The following PTPRJ variants were observed in gnomAD, a reference collection of about 807,000 sequenced individuals.
The protein encoded by PTPRJ is protein tyrosine phosphatase receptor type J.
Under a neutral mutation model 141.3 loss-of-function variants are expected in PTPRJ, and 129 were observed. The observed-to-expected ratio is 0.91, with a 90% CI of 0.79 to 1.06. The LOEUF (loss-of-function observed/expected upper bound fraction) is 1.06, where lower values mean the gene tolerates loss of function less well. Ranked by LOEUF, PTPRJ falls within the 50% of genes least tolerant of loss-of-function variation. PTPRJ has a pLI of 0.00. For missense variants in PTPRJ, 1,601 were observed against 1,679.7 expected (o/e 0.95, Z 0.82); for synonymous variants, 610 against 640.5 (o/e 0.95, Z 0.72).
At chr11:48,101,028 G>A (rs1241352096) in intron 1 of PTPRJ, among the ~76,000 whole-genome samples, 1 of 152,106 alleles carries the variant, frequency 6.6e-6, no homozygotes, top group Non-Finnish European at 1.5e-5. Context: ...GCTTTCTCAG[G>A]TTCCTGTAGC....
rs1305076493 is a variant in PTPRJ, at chr11:48,001,930, TCTGA to T, written c.96+20926_96+20929del. On this transcript the variant is annotated intron_variant, in intron 1 of 24. Coordinates refer to ENST00000418331, the MANE Select transcript of PTPRJ (RefSeq NM_002843.4). ...TACTCTCCTGGTGACATTTAAGTTT[TCTGA>T]CTGTTTTGTTGTTCAAGTTGGTGAC... Among the ~76,000 whole-genome samples, 5 of 152,122 alleles carry T rather than the reference TCTGA, an allele frequency of 3.3e-5. No individual in the cohort carries two copies. In the South Asian group the frequency reaches 8.3e-4, roughly 25 times the overall value.
At chr11:47,989,267 G>T (rs1346928056) in intron 1 of PTPRJ, among the ~76,000 whole-genome samples, 4 of 146,592 alleles carry the variant, frequency 2.7e-5, no homozygotes, top group African/African-American at 7.5e-5. Context: ...TTCTTTTTTT[G>T]TTTTCTTTTT....
At chr11:48,062,395 A>C (rs931271689) in intron 1 of PTPRJ, among the ~76,000 whole-genome samples, 1 of 151,698 alleles carries the variant, frequency 6.6e-6, no homozygotes, top group Non-Finnish European at 1.5e-5. Flanking sequence ...CGCCTGTAGT[A>C]CCAGCTACTT....
intron 1 of PTPRJ, among the ~76,000 whole-genome samples, chr11:48,078,909 T>C (rs1048489169): frequency 6.8e-6 from 1 of 148,012 alleles, no homozygotes; most frequent in Non-Finnish European, 1.5e-5. Context: ...GCAGAGACCA[T>C]ATGGCCTGCA....
chr11:48,152,917 A>C (rs1420269091), intron 18 of PTPRJ, among the ~76,000 whole-genome samples: 9 of 152,118 alleles, frequency 5.9e-5, no homozygotes, highest in Admixed American at 5.9e-4. Context: ...CAGGCTTGTA[A>C]AGAGCCTATT....
intron 1 of PTPRJ, among the ~76,000 whole-genome samples, chr11:48,093,121 G>T (rs568794033): frequency 1.8e-3 from 279 of 152,166 alleles, no homozygotes; most frequent in Non-Finnish European, 3.4e-3. Context: ...AGCTGGATTC[G>T]TTTTCACTAA....
chr11:48,151,107 AG>A (rs1483127599), intron 18 of PTPRJ, among the ~76,000 whole-genome samples: 1 of 152,122 alleles, frequency 6.6e-6, no homozygotes, highest in African/African-American at 2.4e-5. Context: ...CCTTTGTATT[AG>A]TTCTCTAGGC....
At chr11:48,046,895 T>C (rs189540566) in intron 1 of PTPRJ, among the ~76,000 whole-genome samples, 196 of 89,560 alleles carry the variant, frequency 2.2e-3, no homozygotes, top group Non-Finnish European at 3.2e-3. Context: ...TTTACATATA[T>C]ATATATATAT....
At chr11:48,040,979 T>G (rs1415824027) in intron 1 of PTPRJ, among the ~76,000 whole-genome samples, 1 of 152,140 alleles carries the variant, frequency 6.6e-6, no homozygotes, top group Non-Finnish European at 1.5e-5. Flanking sequence ...CTCTCTTTTA[T>G]GGACCTTTTA....
chr11:48,139,483 C>T lies in PTPRJ; in HGVS notation c.2153-3C>T. 2 of 1,612,790 alleles carry T rather than the reference C, an allele frequency of 1.2e-6. No individual in the cohort carries two copies. Among genetic ancestry groups the T allele is most frequent in the Non-Finnish European group, 1.7e-6 (2 of 1,178,832 alleles). ...CTCATGCTGTGCTGTACTTGCTTTGCAGATCCTGCGTCCATGGCCTCCTTC... is the reference window on the plus strand; with the variant it reads ...CTCATGCTGTGCTGTACTTGCTTTGTAGATCCTGCGTCCATGGCCTCCTTC... On this transcript the variant is annotated splice_polypyrimidine_tract_variant and splice_region_variant and intron_variant, in intron 10 of 24. Coordinates refer to ENST00000418331, the MANE Select transcript of PTPRJ (RefSeq NM_002843.4).
intron 22 of PTPRJ, among the ~76,000 whole-genome samples, chr11:48,161,639 GTCTC>G (rs201590390): frequency 6.6e-6 from 1 of 151,698 alleles, no homozygotes; most frequent in African/African-American, 2.4e-5. Flanking sequence ...TTGAGATGGA[GTCTC>G]TCTCTGTCAT....
intron 4 of PTPRJ, among the ~76,000 whole-genome samples, chr11:48,122,002 C>T (rs1023107997): frequency 1.1e-4 from 17 of 151,814 alleles, no homozygotes; most frequent in African/African-American, 3.1e-4. Flanking sequence ...CGAGGTCCAG[C>T]GTGGAGCAGC....
intron 1 of PTPRJ, among the ~76,000 whole-genome samples, chr11:48,017,467 A>G (rs907019183): frequency 1.3e-5 from 2 of 152,208 alleles, no homozygotes; most frequent in African/African-American, 2.4e-5. Context: ...ATACTTATAC[A>G]TTGCTATAAA....
chr11:48,103,223 C>G (rs959703032), intron 1 of PTPRJ, among the ~76,000 whole-genome samples: 2 of 152,220 alleles, frequency 1.3e-5, no homozygotes, highest in South Asian at 4.1e-4. Flanking sequence ...ACTTTGGAAA[C>G]CTGAGGTGGA....
chr11:47,994,345 C>T (rs548386522), intron 1 of PTPRJ, among the ~76,000 whole-genome samples: 1 of 152,162 alleles, frequency 6.6e-6, no homozygotes, highest in Non-Finnish European at 1.5e-5. Context: ...TTGTAACTTA[C>T]ATCTTTTAAT....
chr11:47,985,282 G>A (rs1854020892), intron 1 of PTPRJ, among the ~76,000 whole-genome samples: 1 of 152,022 alleles, frequency 6.6e-6, no homozygotes, highest in Non-Finnish European at 1.5e-5. Context: ...CAAGTATCTG[G>A]GACTAAAGGC....
At chr11:48,089,083 CT>C (rs1307760730) in intron 1 of PTPRJ, among the ~76,000 whole-genome samples, 4 of 152,174 alleles carry the variant, frequency 2.6e-5, no homozygotes, top group Admixed American at 2.6e-4. Flanking sequence ...TTAAGAACCA[CT>C]TTGAACATTT....
intron 1 of PTPRJ, among the ~76,000 whole-genome samples, chr11:48,020,971 T>C (rs1325803750): frequency 6.6e-6 from 1 of 152,250 alleles, no homozygotes; most frequent in Non-Finnish European, 1.5e-5. Context: ...GCAGGCTGGC[T>C]ACCAGTGATT....
intron 1 of PTPRJ, among the ~76,000 whole-genome samples, chr11:48,040,607 T>C (rs1854249145): frequency 6.8e-6 from 1 of 147,962 alleles, no homozygotes; most frequent in Admixed American, 6.6e-5. Context: ...CTTCTTCTTC[T>C]TCTTCTTTTT....
Sources: gnomAD v4.1 joint callset for allele counts (sites outside exome capture counted in the v4.1 genomes callset) on GRCh38, gnomAD v4.1.1 for gene constraint, MANE v1.5 for transcripts, NCBI Gene and HGNC (gene_info 2026-07-23, HGNC 2026-07-21) for gene names.